The following RMC1 variants were observed in gnomAD, a reference collection of about 807,000 sequenced individuals.
RMC1 encodes the protein regulator of MON1-CCZ1.
RMC1 carries 44 observed loss-of-function variants against 95.5 expected under a neutral mutation model. The ratio of observed to expected loss-of-function variants is 0.46; its 90% CI spans 0.36 to 0.59. The LOEUF (loss-of-function observed/expected upper bound fraction) is 0.59, where lower values mean the gene tolerates loss of function less well. RMC1 is among the 20% of genes least tolerant of loss of function. The probability of loss-of-function intolerance (pLI) is 0.00; values close to 1 mark genes in which losing one functional copy is unlikely to be tolerated. For synonymous variants in RMC1, 320 were observed against 303.6 expected, an observed-to-expected ratio of 1.05 and a Z score of -0.56; for missense variants, 705 against 819.6, an observed-to-expected ratio of 0.86 and a Z score of 1.71.
intron 13 of RMC1, among the ~76,000 whole-genome samples, chr18:23,527,518 G>T (rs2058338861): frequency 6.7e-6 from 1 of 149,980 alleles, no homozygotes; most frequent in Admixed American, 6.6e-5. Context: ...AGCGTTAAGT[G>T]ATCCTTCTGC....
At chr18:23,515,647 C>T (rs1311535015) in intron 5 of RMC1, among the ~76,000 whole-genome samples, 1 of 152,170 alleles carries the variant, frequency 6.6e-6, no homozygotes, top group East Asian at 1.9e-4. Flanking sequence ...ATTCTTGTGC[C>T]TCAGCCTTCT....
intron 12 of RMC1, 114 bp from the exon 13 acceptor site, chr18:23,526,523 T>C (rs919336480): frequency 6.2e-5 from 79 of 1,268,288 alleles, no homozygotes; most frequent in Non-Finnish European, 8.3e-5. Flanking sequence ...GACTGTACTT[T>C]GCGGCTTTTT....
chr18:23,509,447 G>A (rs1437176623), intron 5 of RMC1, among the ~76,000 whole-genome samples, 168 bp downstream of exon 5: 1 of 151,580 alleles, frequency 6.6e-6, no homozygotes, highest in Admixed American at 6.6e-5. Flanking sequence ...ATGGCTCACT[G>A]TAATCTCAAA....
At position 23,503,737 on chromosome 18, in the gene RMC1, CT is replaced by C; in HGVS notation, c.102+19del. 6.3e-7 allele frequency: 1 copy of C among 1,579,184 alleles called. No individual in the cohort carries two copies. Among genetic ancestry groups the C allele is most frequent in the South Asian group, 1.1e-5 (1 of 88,440 alleles). ...AACAAGCAGGTCCGGCGCGCCCGCG[CT>C]TCCTCCCCCGCGCGGCCCTGCCGGG... On this transcript the variant is annotated intron_variant, in intron 1 of 19. Coordinates refer to ENST00000269221, the MANE Select transcript of RMC1 (RefSeq NM_013326.5).
intron 12 of RMC1, among the ~76,000 whole-genome samples, chr18:23,526,269 A>G (rs2058295115): frequency 6.6e-6 from 1 of 152,242 alleles, no homozygotes. Flanking sequence ...ACTGAAGTTG[A>G]TGCCACGTGT....
intron 3 of RMC1, 64 bp downstream of exon 3, chr18:23,507,118 T>G: frequency 2.6e-6 from 3 of 1,145,796 alleles, no homozygotes; most frequent in Non-Finnish European, 3.8e-6. Flanking sequence ...AGAGAAGGAA[T>G]CGCAAATTTT....
At chr18:23,505,841 TGGGTGGG>T (rs1182063444) in intron 2 of RMC1, among the ~76,000 whole-genome samples, 2 of 151,914 alleles carry the variant, frequency 1.3e-5, no homozygotes, top group African/African-American at 2.4e-5. Flanking sequence ...AAGAAGTTTG[TGGGTGGG>T]GGGAAGGTAC....
intron 14 of RMC1, chr18:23,528,448 G>C (rs1388036073): frequency 6.5e-6 from 1 of 153,628 alleles, no homozygotes; most frequent in Admixed American, 6.4e-5. Flanking sequence ...CAGAAGAAAA[G>C]TTTAGGACAA....
In RMC1 at chr18:23,506,721, GAT is replaced by G. The variant is rs572316177; in HGVS notation, c.180-246_180-245del. On this transcript the variant is annotated intron_variant, in intron 2 of 19. Coordinates refer to ENST00000269221, the MANE Select transcript of RMC1 (RefSeq NM_013326.5). ...ATTTATGTTGGAACAATTCTCAGGT[GAT>G]ATGTGTGTGTGATCTGAATTCTTCA... 980 of 377,314 alleles carry G rather than the reference GAT, an allele frequency of 2.6e-3. 1 individual carries two copies. Among genetic ancestry groups the G allele is most frequent in the South Asian group, 3.9e-3 (158 of 40,332 alleles). 23.4% of individuals were successfully genotyped at this position (377,314 alleles called of 1,614,324 possible).
chr18:23,520,814 CA>C (rs1444738659), intron 10 of RMC1, among the ~76,000 whole-genome samples: 1 of 152,116 alleles, frequency 6.6e-6, no homozygotes, highest in Admixed American at 6.6e-5. Flanking sequence ...AGATAAGGTT[CA>C]AGTGATTCTC....
chr18:23,509,197 A>G lies in RMC1; in HGVS notation c.326A>G (p.Lys109Arg), dbSNP rs775245096. ...QLEYTQECKTKNANILGFCWT... is the reference protein window; with the variant it reads ...QLEYTQECKTRNANILGFCWT... Reference sequence around the variant, plus strand: ...TTTTTAAAAAATTTTTCTTAGACTAAGAATGCCAACATTCTAGGATTCTGC... The same window carrying G: ...TTTTTAAAAAATTTTTCTTAGACTAGGAATGCCAACATTCTAGGATTCTGC... The change falls in exon 5 of 20, where the codon AAG (lysine) becomes AGG (arginine). Residue 109 changes from lysine (K) to arginine (R), a missense_variant. By Grantham distance (26) the Lys-to-Arg change is conservative. Transcript: ENST00000269221. 5 of 1,386,108 alleles carry G rather than the reference A, an allele frequency of 3.6e-6. No individual in the cohort carries two copies. The Admixed American group carries it at 1.4e-4, about 38-fold the overall frequency. 85.9% of individuals were successfully genotyped at this position (1,386,108 alleles called of 1,614,324 possible). A position where few individuals can be genotyped will look rare whatever the true frequency, so the allele number is the denominator to read the frequency against.
intron 2 of RMC1, 23 bp downstream of exon 2, chr18:23,504,470 A>T: frequency 1.3e-6 from 2 of 1,570,044 alleles, no homozygotes; most frequent in Non-Finnish European, 1.8e-6. Flanking sequence ...ACACTTTCAG[A>T]TCATTTTGTC....
At chr18:23,526,498 A>C in intron 12 of RMC1, 139 bp from the exon 13 acceptor site, 1 of 1,001,308 alleles carries the variant, frequency 1.0e-6, no homozygotes, top group Non-Finnish European at 1.4e-6. Flanking sequence ...TTGGTTAGGA[A>C]GGAAAAGCTA....
intron 5 of RMC1, 41 bp from the exon 6 acceptor site, chr18:23,515,815 G>GT (rs768721439): frequency 1.9e-6 from 3 of 1,611,734 alleles, no homozygotes; most frequent in East Asian, 2.2e-5. Context: ...TTAGTTTGCC[G>GT]TTTTTTAAAT....
At position 23,524,164 on chromosome 18, in the gene RMC1, A is replaced by G. The variant is rs1305727674; in HGVS notation, c.996A>G (p.Pro332=). 2.5e-6 allele frequency: 4 copies of G among 1,613,806 alleles called. No homozygotes were observed. The highest frequency in any genetic ancestry group is 1.7e-5 in the Admixed American group (1 of 60,008). ...CCGTGACCAGCCAGTCTCCTGTTCC[A>G]TGTAAACTCTGTATCCTTTACTAAG... ...PAAVTSQSPV[P]CKLYSSSWIV... is the part of the protein sequence containing the mutation. The change falls in exon 11 of 20, where the codon CCA becomes CCG. Residue 332 remains proline, a synonymous_variant. Transcript: ENST00000269221.
rs1555623570 is a variant in RMC1, at chr18:23,503,583, G to GC, written c.-31dup. 1 of 1,501,922 alleles carries GC rather than the reference G, an allele frequency of 6.7e-7. No homozygotes were observed. The allele number at this position is 1,501,922 out of a possible 1,614,324, so 93.0% of individuals were successfully genotyped here. A position where few individuals can be genotyped will look rare whatever the true frequency, so the allele number is the denominator to read the frequency against. On this transcript the variant is annotated 5_prime_UTR_variant, in exon 1 of 20. Coordinates refer to ENST00000269221, the MANE Select transcript of RMC1 (RefSeq NM_013326.5). Reference sequence around the variant, plus strand: ...CGCATCCTGCTCCACTCTGGCGACCGCCCCCGGGGCCCCCGCCGCGGGCGC... The same window carrying GC: ...CGCATCCTGCTCCACTCTGGCGACCGCCCCCCGGGGCCCCCGCCGCGGGCGC...
intron 7 of RMC1, 23 bp downstream of exon 7, chr18:23,516,446 TC>T: frequency 6.2e-7 from 1 of 1,606,290 alleles, no homozygotes; most frequent in Non-Finnish European, 8.5e-7. Context: ...CAGAGAGAAT[TC>T]CATCCTGTGA....
At chr18:23,505,851 G>A (rs1034126110) in intron 2 of RMC1, among the ~76,000 whole-genome samples, 1 of 152,206 alleles carries the variant, frequency 6.6e-6, no homozygotes, top group African/African-American at 2.4e-5. Flanking sequence ...TGGGTGGGGG[G>A]AAGGTACTGA....
chr18:23,521,697 T>C (rs2058146329), intron 10 of RMC1, among the ~76,000 whole-genome samples: 1 of 150,174 alleles, frequency 6.7e-6, no homozygotes, highest in South Asian at 2.1e-4. Flanking sequence ...CTCTCTCTCT[T>C]TTTTTTTTTT....
Sources: allele counts gnomAD v4.1 joint callset (sites outside exome capture counted in the v4.1 genomes callset), GRCh38; gene constraint gnomAD v4.1.1; transcripts MANE v1.5; gene names NCBI Gene and HGNC (gene_info 2026-07-23, HGNC 2026-07-21).